Variants in AFG2A observed in about 807,000 individuals in gnomAD.
AFG2A encodes ATPase family gene 2 protein homolog A.
chr4:123,095,576 T>C, the AFG2A span, among the ~76,000 whole-genome samples: 3,072 of 152,190 alleles, frequency 0.02, 100 homozygotes, highest in African/African-American at 0.07. Flanking sequence ...TTAAGGACAA[T>C]TAAAACAACA....
the AFG2A span, among the ~76,000 whole-genome samples, chr4:122,945,853 A>G: frequency 2.6e-5 from 4 of 152,182 alleles, no homozygotes; most frequent in South Asian, 2.1e-4. Context: ...AAATAATATA[A>G]AGGTTTGGCA....
the AFG2A span, among the ~76,000 whole-genome samples, chr4:123,200,261 C>T: frequency 7.2e-5 from 11 of 152,142 alleles, no homozygotes; most frequent in Admixed American, 4.6e-4. Flanking sequence ...TTACTCTATT[C>T]CAAAAGGAAA....
chr4:123,110,893 T>TC, the AFG2A span, among the ~76,000 whole-genome samples: 1 of 152,218 alleles, frequency 6.6e-6, no homozygotes, highest in Non-Finnish European at 1.5e-5. Flanking sequence ...TTATTCTTTA[T>TC]CCCGTAGCAT....
At chr4:122,964,427 C>A in the AFG2A span, among the ~76,000 whole-genome samples, 1 of 151,716 alleles carries the variant, frequency 6.6e-6, no homozygotes, top group South Asian at 2.1e-4. Flanking sequence ...TTGCTTGAAC[C>A]CAGGAGGAGG....
At chr4:122,940,710 G>A in the AFG2A span, among the ~76,000 whole-genome samples, 1 of 152,044 alleles carries the variant, frequency 6.6e-6, no homozygotes, top group Non-Finnish European at 1.5e-5. Flanking sequence ...CCTTACCCAT[G>A]CCTATGTCCT....
chr4:123,075,790 T>A, the AFG2A span, among the ~76,000 whole-genome samples: 2 of 151,036 alleles, frequency 1.3e-5, no homozygotes, highest in Non-Finnish European at 2.9e-5. Flanking sequence ...AAACCCCATC[T>A]CTACTAAAAA....
chr4:123,049,478 T>C, the AFG2A span, among the ~76,000 whole-genome samples: 1 of 152,166 alleles, frequency 6.6e-6, no homozygotes, highest in Non-Finnish European at 1.5e-5. Flanking sequence ...AGACATCAAA[T>C]CCTGTGCTTT....
At chr4:122,987,250 C>CT in the AFG2A span, among the ~76,000 whole-genome samples, 1 of 152,068 alleles carries the variant, frequency 6.6e-6, no homozygotes, top group Non-Finnish European at 1.5e-5. Context: ...TCTTCAGACT[C>CT]TTTAAGAACA....
the AFG2A span, among the ~76,000 whole-genome samples, chr4:123,110,707 G>T: frequency 6.6e-6 from 1 of 152,146 alleles, no homozygotes. Context: ...AGCACACCGT[G>T]CTTTATGTAC....
the AFG2A span, among the ~76,000 whole-genome samples, chr4:123,063,743 CAAA>C: frequency 1.5e-5 from 2 of 129,744 alleles, no homozygotes; most frequent in Non-Finnish European, 3.3e-5. Context: ...GAGACTGTCT[CAAA>C]AAAAAAAAAG....
chr4:122,927,632 A>G, the AFG2A span: 7 of 1,603,816 alleles, frequency 4.4e-6, no homozygotes, highest in Non-Finnish European at 5.9e-6. Flanking sequence ...TTTCCTTCAT[A>G]GTAGATGACA....
the AFG2A span, among the ~76,000 whole-genome samples, chr4:123,249,153 A>G: frequency 6.6e-6 from 1 of 152,220 alleles, no homozygotes; most frequent in Non-Finnish European, 1.5e-5. Context: ...TGGAAGAGTC[A>G]TAGAAGTTTC....
the AFG2A span, among the ~76,000 whole-genome samples, chr4:123,280,474 G>A: frequency 6.6e-6 from 1 of 152,236 alleles, no homozygotes; most frequent in Non-Finnish European, 1.5e-5. Context: ...CTGGAAGCCA[G>A]AAATCTGACA....
the AFG2A span, among the ~76,000 whole-genome samples, chr4:123,075,235 C>T: frequency 0.052 from 7,916 of 152,120 alleles, 480 homozygotes; most frequent in African/African-American, 0.15. Flanking sequence ...TGAGCCACCA[C>T]GCCCAGCCTG....
At chr4:123,069,853 G>A in the AFG2A span, among the ~76,000 whole-genome samples, 1 of 152,130 alleles carries the variant, frequency 6.6e-6, no homozygotes, top group African/African-American at 2.4e-5. Flanking sequence ...AATTACCAAT[G>A]TCTTAACAAT....
At chr4:123,112,662 A>G in the AFG2A span, among the ~76,000 whole-genome samples, 1 of 152,190 alleles carries the variant, frequency 6.6e-6, no homozygotes, top group Non-Finnish European at 1.5e-5. Flanking sequence ...TAAATACAGG[A>G]TAATGAATTT....
chr4:123,122,241 A>G, the AFG2A span, among the ~76,000 whole-genome samples: 1 of 152,208 alleles, frequency 6.6e-6, no homozygotes, highest in Non-Finnish European at 1.5e-5. Flanking sequence ...CCCCAGATAT[A>G]CAGATACTCC....
At chr4:123,238,687 A>G in the AFG2A span, among the ~76,000 whole-genome samples, 1 of 152,194 alleles carries the variant, frequency 6.6e-6, no homozygotes, top group Non-Finnish European at 1.5e-5. Context: ...TAGGTCACCA[A>G]CATCAAAGAC....
At chr4:123,164,043 A>G in the AFG2A span, among the ~76,000 whole-genome samples, 7 of 152,156 alleles carry the variant, frequency 4.6e-5, no homozygotes, top group African/African-American at 1.7e-4. Flanking sequence ...CTTATTATTG[A>G]GGTAACTTAC....
Sources: allele counts gnomAD v4.1 joint callset (sites outside exome capture counted in the v4.1 genomes callset), GRCh38; gene constraint gnomAD v4.1.1; transcripts MANE v1.5; gene names NCBI Gene and HGNC (gene_info 2026-07-23, HGNC 2026-07-21).